AFP: variants seen among roughly 807,000 people sequenced by gnomAD.
The protein encoded by AFP is alpha fetoprotein.
In AFP, 64 loss-of-function variants were observed where a neutral mutation model predicts 78.9. The observed-to-expected ratio is 0.81, with a 90% CI of 0.66 to 1.00. The LOEUF (loss-of-function observed/expected upper bound fraction) is 1.00. Ranked by LOEUF, AFP falls within the 50% of genes least tolerant of loss-of-function variation. The pLI, the probability that AFP is intolerant of heterozygous loss-of-function variation, is 0.00. For missense variants in AFP, 689 were observed against 703.8 expected (o/e 0.98, Z 0.24); for synonymous variants, 254 against 243.8 (o/e 1.04, Z -0.39).
intron 8 of AFP, among the ~76,000 whole-genome samples, chr4:73,448,245 T>G (rs931405120): frequency 6.6e-6 from 1 of 152,168 alleles, no homozygotes; most frequent in Non-Finnish European, 1.5e-5. Flanking sequence ...ATACAACTGA[T>G]AGGTCACGTT....
At position 73,436,299 on chromosome 4, in the gene AFP, C is replaced by A. The variant is rs1302581884; in HGVS notation, c.37C>A (p.Leu13Ile). 1 of 1,604,032 alleles carries A rather than the reference C, an allele frequency of 6.2e-7. No homozygotes were observed. The highest frequency in any genetic ancestry group is 8.5e-7 in the Non-Finnish European group (1 of 1,172,600). ...GGAATCAATTTTTTTAATTTTCCTA[C>A]TAAATTTTACTGAATCCAGAACACT... ...WVESIFLIFL[L>I]NFTESRTLHR... Residue 13 changes from leucine to isoleucine, a missense_variant, in exon 1 of 15, where the codon CTA becomes ATA. Transcript: ENST00000395792.
chr4:73,455,371 G>C, intron 14 of AFP, 81 bp downstream of exon 14: 1 of 1,165,294 alleles, frequency 8.6e-7, no homozygotes, highest in Non-Finnish European at 1.3e-6. Context: ...ATCATGAGGA[G>C]TGCCATTAAT....
chr4:73,439,923 C>G (rs902725147), intron 3 of AFP, among the ~76,000 whole-genome samples: 3 of 75,382 alleles, frequency 4.0e-5, no homozygotes, highest in Admixed American at 1.8e-4. Flanking sequence ...TGTGGTATGT[C>G]TGTGTGTGTG....
Position 73,440,727 on chromosome 4 carries a change from T to C in AFP, c.396T>C (p.Thr132=). The change falls in exon 4 of 15, where the codon ACT becomes ACC. Residue 132 remains threonine, a synonymous_variant. Coordinates refer to ENST00000395792, the MANE Select transcript of AFP (RefSeq NM_001134.3). ...GTTTTCTTGCACACAAAAAGCCCACTCCAGCATCGATCCCACTTTTCCAAG... is the reference window on the plus strand; with the variant it reads ...GTTTTCTTGCACACAAAAAGCCCACCCCAGCATCGATCCCACTTTTCCAAG... The part of the protein sequence containing the change: ...HNCFLAHKKP[T]PASIPLFQVP... 2 of 1,614,144 alleles carry C rather than the reference T, an allele frequency of 1.2e-6. No individual in the cohort carries two copies. Among genetic ancestry groups the C allele is most frequent in the Non-Finnish European group, 1.7e-6 (2 of 1,180,008 alleles).
intron 6 of AFP, among the ~76,000 whole-genome samples, 176 bp downstream of exon 6, chr4:73,443,620 G>A (rs1241744487): frequency 6.6e-6 from 1 of 152,108 alleles, no homozygotes; most frequent in African/African-American, 2.4e-5. Context: ...GGAAGCTAAC[G>A]GATAAGTCAG....
At chr4:73,442,684 G>A (rs1402143067) in intron 5 of AFP, among the ~76,000 whole-genome samples, 1 of 152,104 alleles carries the variant, frequency 6.6e-6, no homozygotes, top group East Asian at 1.9e-4. Flanking sequence ...CAGACAGACA[G>A]AAAGAGAGAA....
intron 5 of AFP, 111 bp from the exon 6 acceptor site, chr4:73,443,228 TAAAAAACA>T: frequency 1.3e-6 from 1 of 795,602 alleles, no homozygotes; most frequent in South Asian, 1.6e-5. Flanking sequence ...TAATTTTTAG[TAAAAAACA>T]TATTTTATGG....
At chr4:73,452,261 C>A (rs1244663500) in intron 11 of AFP, 140 bp from the exon 12 acceptor site, 4 of 739,736 alleles carry the variant, frequency 5.4e-6, no homozygotes, top group African/African-American at 5.2e-5. Flanking sequence ...GTCACATGAT[C>A]CTACATAGCA....
Position 73,450,653 on chromosome 4 carries a change from C to G in AFP, c.1328C>G (p.Thr443Ser). 1 of 1,614,182 alleles carries G rather than the reference C, an allele frequency of 6.2e-7. No individual in the cohort carries two copies. Among genetic ancestry groups the G allele is most frequent in the Non-Finnish European group, 8.5e-7 (1 of 1,180,018 alleles). Residue 443 changes from threonine to serine, a missense_variant, in exon 11 of 15, where the codon ACC (threonine) becomes AGC (serine). Transcript: ENST00000395792. ...VAYTKKAPQLTSSELMAITRK... is the reference protein window; with the variant it reads ...VAYTKKAPQLSSSELMAITRK... ...TACACAAAGAAAGCCCCCCAGCTGACCTCGTCGGAGCTGATGGCCATCACC... is the reference window on the plus strand; with the variant it reads ...TACACAAAGAAAGCCCCCCAGCTGAGCTCGTCGGAGCTGATGGCCATCACC...
At chr4:73,444,649 T>A (rs574095582) in intron 6 of AFP, among the ~76,000 whole-genome samples, 1 of 152,328 alleles carries the variant, frequency 6.6e-6, no homozygotes, top group South Asian at 2.1e-4. Flanking sequence ...GAATTTTCCA[T>A]TTCTTAATTG....
chr4:73,453,598 G>C (rs1577960241), intron 12 of AFP, 167 bp from the exon 13 acceptor site: 1 of 751,108 alleles, frequency 1.3e-6, no homozygotes, highest in Admixed American at 2.4e-5. Context: ...CATGCTTTCA[G>C]CCTCAATCTT....
intron 12 of AFP, among the ~76,000 whole-genome samples, chr4:73,453,011 T>C (rs757452428): frequency 6.6e-6 from 1 of 152,296 alleles, no homozygotes; most frequent in Non-Finnish European, 1.5e-5. Context: ...ATTTACACTT[T>C]GAAGAGAATA....
intron 4 of AFP, among the ~76,000 whole-genome samples, chr4:73,441,380 C>A (rs1719658405): frequency 6.6e-6 from 1 of 151,588 alleles, no homozygotes; most frequent in African/African-American, 2.4e-5. Context: ...TCCTGGCTAA[C>A]ATGGTGAAAC....
chr4:73,438,224 T>C lies in AFP; in HGVS notation c.188T>C (p.Val63Ala), dbSNP rs776377620. 3.1e-6 allele frequency: 5 copies of C among 1,613,494 alleles called. No homozygotes were observed. Among genetic ancestry groups the C allele is most frequent in the Non-Finnish European group, 4.2e-6 (5 of 1,179,566 alleles). Residue 63 changes from valine (V) to alanine (A), a missense_variant, in exon 3 of 15, where the codon GTA becomes GCA. Coordinates refer to ENST00000395792, the MANE Select transcript of AFP (RefSeq NM_001134.3). ...QFVQEATYKE[V>A]SKMVKDALTA... The stretch of plus-strand genomic sequence containing the variant: ...GTTCAAGAAGCCACTTACAAGGAAG[T>C]AAGCAAAATGGTGAAAGATGCATTG...
chr4:73,443,536 G>A (rs552345147), intron 6 of AFP, 92 bp downstream of exon 6: 2 of 933,016 alleles, frequency 2.1e-6, no homozygotes, highest in African/African-American at 3.3e-5. Context: ...TGCTGTTTTA[G>A]AGAATGAAGA....
Position 73,455,304 on chromosome 4 carries a change from C to G in AFP, c.*10+14C>G. The G allele has an allele frequency of 6.3e-7, 1 of 1,599,184 alleles. No homozygotes were observed. Among genetic ancestry groups the G allele is most frequent in the Non-Finnish European group, 8.6e-7 (1 of 1,167,016 alleles). On this transcript the variant is annotated intron_variant, in intron 14 of 14. Transcript: ENST00000395792. ...AAATTACTTCAGGTAACAAAACATTCAGACAAGCCTGAATACAATGTTGTT... is the reference window on the plus strand; with the variant it reads ...AAATTACTTCAGGTAACAAAACATTGAGACAAGCCTGAATACAATGTTGTT...
intron 13 of AFP, among the ~76,000 whole-genome samples, chr4:73,454,396 T>C (rs1244478179): frequency 6.6e-6 from 1 of 152,114 alleles, no homozygotes; most frequent in Non-Finnish European, 1.5e-5. Context: ...CCAGATTTTC[T>C]TTAACCAGGG....
At chr4:73,449,970 A>T in intron 9 of AFP, 66 bp from the exon 10 acceptor site, 1 of 1,056,110 alleles carries the variant, frequency 9.5e-7, no homozygotes, top group Non-Finnish European at 1.4e-6. Context: ...ATATTGATCA[A>T]TTTTATATAC....
At chr4:73,445,720 T>C (rs1207301729) in intron 7 of AFP, among the ~76,000 whole-genome samples, 1 of 152,092 alleles carries the variant, frequency 6.6e-6, no homozygotes, top group Admixed American at 6.5e-5. Context: ...TCCTACCAGG[T>C]AAAAAGCTAG....
Sources: gnomAD v4.1 joint callset for allele counts (sites outside exome capture counted in the v4.1 genomes callset) on GRCh38, gnomAD v4.1.1 for gene constraint, MANE v1.5 for transcripts, NCBI Gene and HGNC (gene_info 2026-07-23, HGNC 2026-07-21) for gene names.